CCDC39: variants seen among roughly 807,000 people sequenced by gnomAD.
CCDC39 encodes coiled-coil domain 39 molecular ruler complex subunit.
CCDC39 carries 113 observed loss-of-function variants against 121.0 expected under a neutral mutation model. The observed-to-expected ratio is 0.93, with a 90% CI of 0.80 to 1.09. The LOEUF (loss-of-function observed/expected upper bound fraction) is 1.09. Among genes scored for constraint, CCDC39 ranks in the 50% least tolerant of loss-of-function variants. The probability of loss-of-function intolerance (pLI) is 0.00; values close to 1 mark genes in which losing one functional copy is unlikely to be tolerated. For synonymous variants in CCDC39, 349 were observed against 352.2 expected (o/e 0.99, Z 0.10); for missense variants, 1,063 against 1,074.7 (o/e 0.99, Z 0.15).
intron 14 of CCDC39, 89 bp downstream of exon 14, chr3:180,631,380 T>C: frequency 8.1e-7 from 1 of 1,237,116 alleles, no homozygotes; most frequent in South Asian, 1.3e-5. Context: ...GCAATATTGT[T>C]GTTTTTTTAT....
intron 7 of CCDC39, 120 bp from the exon 8 acceptor site, chr3:180,652,386 T>C (rs1291594566): frequency 1.9e-6 from 1 of 523,070 alleles, no homozygotes; most frequent in Non-Finnish European, 3.3e-6. Context: ...ACAAAAGTAG[T>C]AGCCATTTTT....
At chr3:180,674,907 C>A (rs1046323942) in intron 1 of CCDC39, among the ~76,000 whole-genome samples, 1 of 152,122 alleles carries the variant, frequency 6.6e-6, no homozygotes, top group Non-Finnish European at 1.5e-5. Flanking sequence ...ATTTTTGCAT[C>A]GATGTTCATC....
In CCDC39 at chr3:180,675,411, T is replaced by C. The variant is rs1712167947; in HGVS notation, c.90+3880A>G. On this transcript the variant is annotated intron_variant, in intron 1 of 19. Transcript: ENST00000476379. ...TCTTGCTAGCGGTCTATCAATTTTG[T>C]TGATCGTTTCAAAAAACCAGCTCCT... is the stretch of plus-strand genomic sequence containing the variant. 4.6e-5 allele frequency among the ~76,000 whole-genome samples: 7 copies of C among 152,322 alleles called. No homozygotes were observed. In the South Asian group the frequency reaches 1.5e-3, roughly 32 times the overall value.
chr3:180,633,911 T>TG (rs1717761409), intron 13 of CCDC39, among the ~76,000 whole-genome samples: 1 of 152,272 alleles, frequency 6.6e-6, no homozygotes, highest in East Asian at 1.9e-4. Context: ...CCACTGGTAG[T>TG]GGCCTGGAGT....
At chr3:180,650,989 G>A (rs1011410711) in intron 9 of CCDC39, among the ~76,000 whole-genome samples, 1 of 151,860 alleles carries the variant, frequency 6.6e-6, no homozygotes, top group African/African-American at 2.4e-5. Flanking sequence ...GAGGCAAGCA[G>A]ATCGAGACCA....
chr3:180,642,249 A>C, intron 12 of CCDC39, 48 bp from the exon 13 acceptor site: 1 of 1,294,898 alleles, frequency 7.7e-7, no homozygotes, highest in Non-Finnish European at 1.0e-6. Context: ...TTTTAATTGC[A>C]AAACCAAAAT....
chr3:180,616,417 T>TA, intron 18 of CCDC39, 54 bp from the exon 19 acceptor site: 1 of 1,522,472 alleles, frequency 6.6e-7, no homozygotes, highest in Non-Finnish European at 8.8e-7. Flanking sequence ...TTTTAGAAGA[T>TA]AAATATTTTT....
intron 12 of CCDC39, among the ~76,000 whole-genome samples, chr3:180,643,676 T>C (rs1243977406): frequency 6.6e-6 from 1 of 152,172 alleles, no homozygotes; most frequent in African/African-American, 2.4e-5. Context: ...TTCTGAATCA[T>C]AATTATATAG....
In CCDC39 at chr3:180,654,239, AAAAG is replaced by A. The variant is rs1456765789; in HGVS notation, c.930+519_930+522del. Among the ~76,000 whole-genome samples, 307 of 140,240 alleles carry A rather than the reference AAAAG, an allele frequency of 2.2e-3. 1 individual carries two copies. The highest frequency in any genetic ancestry group is 9.3e-3 in the African/African-American group (291 of 31,130). 92.0% of individuals were successfully genotyped at this position (140,240 alleles called of 152,430 possible). A position where few individuals can be genotyped will look rare whatever the true frequency, so the allele number is the denominator to read the frequency against. On this transcript the variant is annotated intron_variant, in intron 7 of 19. Transcript: ENST00000476379. ...CCACACGCAAAAAAAAAAAAAAAAAAAAAGAGAGAAAGAAATTGGGCTTTTCTCT... is the reference window on the plus strand; with the variant it reads ...CCACACGCAAAAAAAAAAAAAAAAAAAGAGAAAGAAATTGGGCTTTTCTCT...
rs1324136136 is a variant in CCDC39 at position 180,648,273 on chromosome 3, A to T, written c.1254T>A (p.Ala418=). 1 of 1,613,204 alleles carries T rather than the reference A, an allele frequency of 6.2e-7. No homozygotes were observed. The highest frequency in any genetic ancestry group is 1.3e-5 in the African/African-American group (1 of 74,874). The change falls in exon 10 of 20, where the codon GCT becomes GCA. Residue 418 remains alanine, a synonymous_variant. Coordinates refer to ENST00000476379, the MANE Select transcript of CCDC39 (RefSeq NM_181426.2). Reference sequence around the variant, plus strand: ...GAGTTCCTTCAATTTCTGATAAAACAGCTTTTTCTTTCATTGTCTCAGTCT... The same window carrying T: ...GAGTTCCTTCAATTTCTGATAAAACTGCTTTTTCTTTCATTGTCTCAGTCT... The part of the protein sequence containing the change: ...ELQTETMKEK[A]VLSEIEGTRS...
chr3:180,633,968 C>T (rs943845384), intron 13 of CCDC39, among the ~76,000 whole-genome samples: 34 of 152,210 alleles, frequency 2.2e-4, no homozygotes, highest in Non-Finnish European at 4.3e-4. Flanking sequence ...TCTGCCACGA[C>T]CACAGCAGCA....
intron 1 of CCDC39, among the ~76,000 whole-genome samples, chr3:180,674,209 G>C (rs1361962160): frequency 6.6e-6 from 1 of 152,060 alleles, no homozygotes; most frequent in Non-Finnish European, 1.5e-5. Context: ...TTGTAAGTTG[G>C]ATTCCTAGAT....
chr3:180,641,610 T>A (rs1226297220), intron 13 of CCDC39, among the ~76,000 whole-genome samples: 2 of 152,162 alleles, frequency 1.3e-5, no homozygotes, highest in East Asian at 3.9e-4. Context: ...AAACCAAAAA[T>A]GAAATTGACA....
chr3:180,660,442 C>G lies in CCDC39; in HGVS notation c.516+128G>C, dbSNP rs116078843. ...AAGACATTTGGCTTTATTAGCTTCT[C>G]CAAGAAGCCTCTGACTCAGAAGTTT... On this transcript the variant is annotated intron_variant, in intron 4 of 19. Coordinates refer to ENST00000476379, the MANE Select transcript of CCDC39 (RefSeq NM_181426.2). 9 of 757,412 alleles carry G rather than the reference C, an allele frequency of 1.2e-5. No individual in the cohort carries two copies. The East Asian group carries it at 2.3e-4, about 20-fold the overall frequency. The allele number at this position is 757,412 out of a possible 1,614,324, so 46.9% of individuals were successfully genotyped here.
At chr3:180,654,655 A>C in intron 7 of CCDC39, 107 bp downstream of exon 7, 1 of 712,460 alleles carries the variant, frequency 1.4e-6, no homozygotes, top group Non-Finnish European at 2.1e-6. Flanking sequence ...GAAAAAAAAA[A>C]AAAACTAGAA....
At chr3:180,619,650 T>G (rs1717368776) in intron 15 of CCDC39, among the ~76,000 whole-genome samples, 161 bp downstream of exon 15, 1 of 17,598 alleles carries the variant, frequency 5.7e-5, no homozygotes. Flanking sequence ...GAAAACCACT[T>G]AGAAAAAAAA....
At chr3:180,672,826 A>G (rs1037195341) in intron 1 of CCDC39, among the ~76,000 whole-genome samples, 1 of 152,182 alleles carries the variant, frequency 6.6e-6, no homozygotes, top group Non-Finnish European at 1.5e-5. Flanking sequence ...TAAATTGAAA[A>G]CCTTCTGGAA....
At chr3:180,675,103 C>G (rs1333313103) in intron 1 of CCDC39, among the ~76,000 whole-genome samples, 1 of 152,146 alleles carries the variant, frequency 6.6e-6, no homozygotes, top group Non-Finnish European at 1.5e-5. Context: ...GTGAATACAT[C>G]TGGTCCTGGA....
chr3:180,664,790 A>C (rs1038313797), intron 1 of CCDC39, among the ~76,000 whole-genome samples: 1 of 150,298 alleles, frequency 6.7e-6, no homozygotes, highest in Non-Finnish European at 1.5e-5. Context: ...CTGCCTCCCG[A>C]GTTCAACGAG....
Sources: allele counts gnomAD v4.1 joint callset (sites outside exome capture counted in the v4.1 genomes callset), GRCh38; gene constraint gnomAD v4.1.1; transcripts MANE v1.5; gene names NCBI Gene and HGNC (gene_info 2026-07-23, HGNC 2026-07-21).